Variants in RAPGEF6 observed in about 807,000 individuals in gnomAD.
RAPGEF6 encodes PDZ domain containing guanine nucleotide exchange factor (GEF) 2.
A neutral mutation model predicts 171.4 loss-of-function variants in RAPGEF6; 56 were observed. The ratio of observed to expected loss-of-function variants is 0.33; its 90% CI spans 0.26 to 0.41. The LOEUF (loss-of-function observed/expected upper bound fraction) is 0.41. Ranked by LOEUF, RAPGEF6 falls within the 10% of genes least tolerant of loss-of-function variation. The probability of loss-of-function intolerance (pLI) is 1.00; values close to 1 mark genes in which losing one functional copy is unlikely to be tolerated. For missense variants in RAPGEF6, 1,674 were observed against 1,921.4 expected (o/e 0.87, Z 2.41); for synonymous variants, 692 against 650.1 (o/e 1.06, Z -0.98).
intron 11 of RAPGEF6, 108 bp from the exon 12 acceptor site, chr5:131,498,715 A>G: frequency 1.9e-6 from 2 of 1,049,656 alleles, no homozygotes; most frequent in Non-Finnish European, 2.8e-6. Context: ...ACAAATCGTC[A>G]AAGTACAGTT....
chr5:131,566,536 A>AT (rs937697941), intron 4 of RAPGEF6, among the ~76,000 whole-genome samples: 9 of 151,936 alleles, frequency 5.9e-5, no homozygotes, highest in Admixed American at 2.6e-4. Context: ...ATAATCTGGA[A>AT]TTTTTTTTCT....
In RAPGEF6 at chr5:131,495,746, T is replaced by C. The variant is rs939283065; in HGVS notation, c.1420-86A>G. ...ATTCCAAAAGCATGTCTAAAACTCATGAAGAACTGACAACCCTCTTGTTCC... is the reference window on the plus strand; with the variant it reads ...ATTCCAAAAGCATGTCTAAAACTCACGAAGAACTGACAACCCTCTTGTTCC... On this transcript the variant is annotated intron_variant, in intron 12 of 27. Coordinates refer to ENST00000509018, the MANE Select transcript of RAPGEF6 (RefSeq NM_016340.6). 5.4e-6 allele frequency: 8 copies of C among 1,489,262 alleles called. No individual in the cohort carries two copies. The African/African-American group carries it at 7.1e-5, about 13-fold the overall frequency. 92.3% of individuals were successfully genotyped at this position (1,489,262 alleles called of 1,614,324 possible). A position where few individuals can be genotyped will look rare whatever the true frequency, so the allele number is the denominator to read the frequency against.
rs1017987139 is a variant in RAPGEF6, at chr5:131,634,998, C to T, written c.33G>A (p.Gln11=). Reference sequence around the variant, plus strand: ...GCTCGGGTGGCTTCTTCCTCAACGCCTGCCTAGCGCCAGGGTCCACGGGTG... The same window carrying T: ...GCTCGGGTGGCTTCTTCCTCAACGCTTGCCTAGCGCCAGGGTCCACGGGTG... The part of the protein sequence containing the change: MNSPVDPGAR[Q]ALRKKPPERT... The change falls in exon 1 of 28, where the codon CAG becomes CAA. Residue 11 remains glutamine (Q), a synonymous_variant. Coordinates refer to ENST00000509018, the MANE Select transcript of RAPGEF6 (RefSeq NM_016340.6). The T allele has an allele frequency of 5.6e-6, 9 of 1,613,844 alleles. No individual in the cohort carries two copies. Among genetic ancestry groups the T allele is most frequent in the Non-Finnish European group, 7.6e-6 (9 of 1,179,850 alleles).
chr5:131,487,931 A>G (rs1756031180), intron 15 of RAPGEF6, among the ~76,000 whole-genome samples: 1 of 152,320 alleles, frequency 6.6e-6, no homozygotes. Flanking sequence ...TTCCTTTGTA[A>G]TTTAATAGAT....
rs369320885 is a variant in RAPGEF6, at chr5:131,533,175, C to CACAA, written c.496-11655_496-11654insTTGT. The CACAA allele has an allele frequency of 4.6e-3, 578 of 124,784 alleles. 2 individuals carry two copies. Among genetic ancestry groups the CACAA allele is most frequent in the African/African-American group, 0.015 (530 of 36,186 alleles). 7.7% of individuals were successfully genotyped at this position (124,784 alleles called of 1,614,324 possible). On this transcript the variant is annotated intron_variant, in intron 6 of 27. Transcript: ENST00000509018. ...GAGCAATTTATTGAAAACATACACACACACACACACACACACACACACACA... is the reference window on the plus strand; with the variant it reads ...GAGCAATTTATTGAAAACATACACACACAAACACACACACACACACACACACACA...
chr5:131,563,934 G>A (rs777391339), intron 4 of RAPGEF6, among the ~76,000 whole-genome samples: 2 of 152,088 alleles, frequency 1.3e-5, no homozygotes, highest in Non-Finnish European at 2.9e-5. Context: ...CAGGGACTGG[G>A]TTTACTCTCC....
intron 6 of RAPGEF6, among the ~76,000 whole-genome samples, chr5:131,522,769 C>T (rs1184401753): frequency 1.3e-5 from 2 of 152,170 alleles, no homozygotes; most frequent in Admixed American, 1.3e-4. Context: ...CTGTGACAGC[C>T]ACTGGCTAAA....
intron 14 of RAPGEF6, among the ~76,000 whole-genome samples, chr5:131,490,409 A>T (rs1156439273): frequency 6.6e-6 from 1 of 152,212 alleles, no homozygotes; most frequent in Non-Finnish European, 1.5e-5. Context: ...GAGTTGAAAA[A>T]AGACTTGCAT....
intron 7 of RAPGEF6, among the ~76,000 whole-genome samples, chr5:131,520,366 G>A (rs534718798): frequency 2.0e-4 from 31 of 152,282 alleles, no homozygotes; most frequent in Admixed American, 5.2e-4. Context: ...CAAAAGTAAT[G>A]TAAGGTAACT....
intron 1 of RAPGEF6, among the ~76,000 whole-genome samples, chr5:131,630,147 T>C (rs1192285142): frequency 1.3e-5 from 2 of 152,312 alleles, no homozygotes; most frequent in African/African-American, 4.8e-5. Flanking sequence ...TAAGAAACTG[T>C]CACAGCCACC....
intron 6 of RAPGEF6, among the ~76,000 whole-genome samples, chr5:131,524,302 T>C (rs1758707751): frequency 6.6e-6 from 1 of 152,138 alleles, no homozygotes; most frequent in Middle Eastern, 3.2e-3. Context: ...AAAATACAAC[T>C]ACAGAATGTA....
intron 5 of RAPGEF6, 118 bp from the exon 6 acceptor site, chr5:131,548,308 C>A: frequency 2.0e-6 from 2 of 976,062 alleles, no homozygotes; most frequent in Non-Finnish European, 1.5e-6. Context: ...GAAACTGCCT[C>A]AAGAAAACAG....
chr5:131,464,513 T>C (rs941420222), intron 17 of RAPGEF6, among the ~76,000 whole-genome samples: 1 of 151,978 alleles, frequency 6.6e-6, no homozygotes, highest in Non-Finnish European at 1.5e-5. Flanking sequence ...TCATACTATA[T>C]ATATGGTTTG....
chr5:131,621,248 T>A (rs1765575377), intron 1 of RAPGEF6, among the ~76,000 whole-genome samples: 1 of 152,170 alleles, frequency 6.6e-6, no homozygotes, highest in South Asian at 2.1e-4. Flanking sequence ...AATGGTGTAG[T>A]ATTTGCATAT....
intron 11 of RAPGEF6, among the ~76,000 whole-genome samples, chr5:131,502,991 T>C (rs939205780): frequency 2.6e-5 from 4 of 152,060 alleles, no homozygotes; most frequent in African/African-American, 4.8e-5. Context: ...TTAGTAGAAA[T>C]AGGGTTTCAC....
At chr5:131,628,929 A>G (rs1766114620) in intron 1 of RAPGEF6, among the ~76,000 whole-genome samples, 1 of 152,182 alleles carries the variant, frequency 6.6e-6, no homozygotes, top group Non-Finnish European at 1.5e-5. Flanking sequence ...AAATACTACT[A>G]CTCACTGACA....
intron 3 of RAPGEF6, among the ~76,000 whole-genome samples, chr5:131,600,655 G>T (rs1764186132): frequency 6.6e-6 from 1 of 151,362 alleles, no homozygotes; most frequent in Non-Finnish European, 1.5e-5. Context: ...AGGAAGGAAG[G>T]AAGGAAGGAA....
At chr5:131,624,589 T>C (rs1218407192) in intron 1 of RAPGEF6, among the ~76,000 whole-genome samples, 1 of 152,120 alleles carries the variant, frequency 6.6e-6, no homozygotes, top group Non-Finnish European at 1.5e-5. Context: ...GAGGCCAACC[T>C]GGGCAACACA....
At chr5:131,587,842 C>T (rs538802230) in intron 4 of RAPGEF6, among the ~76,000 whole-genome samples, 32 of 152,224 alleles carry the variant, frequency 2.1e-4, no homozygotes, top group Admixed American at 1.2e-3. Context: ...CCAGAGGGGT[C>T]CTGCCCCCTA....
Sources: allele counts gnomAD v4.1 joint callset (sites outside exome capture counted in the v4.1 genomes callset), GRCh38; gene constraint gnomAD v4.1.1; transcripts MANE v1.5; gene names NCBI Gene and HGNC (gene_info 2026-07-23, HGNC 2026-07-21).